EIF4G3: variants seen among roughly 807,000 people sequenced by gnomAD.
EIF4G3 encodes eukaryotic translation initiation factor 4 gamma 3.
Under a neutral mutation model 186.4 loss-of-function variants are expected in EIF4G3, and 34 were observed. The ratio of observed to expected loss-of-function variants is 0.18; its 90% confidence interval spans 0.14 to 0.24. The LOEUF (loss-of-function observed/expected upper bound fraction) is 0.24, where lower values mean the gene tolerates loss of function less well. Among genes scored for constraint, EIF4G3 ranks in the 10% least tolerant of loss-of-function variants. The pLI is 1.00. For synonymous variants in EIF4G3, 673 were observed against 679.5 expected (o/e 0.99, Z 0.15); for missense variants, 1,536 against 1,948.5 (o/e 0.79, Z 3.99).
chr1:20,869,783 A>G (rs1398185158), intron 20 of EIF4G3, among the ~76,000 whole-genome samples: 2 of 150,512 alleles, frequency 1.3e-5, no homozygotes, highest in African/African-American at 4.8e-5. Flanking sequence ...TCAAAAAAAA[A>G]AAAAAAAAAA....
chr1:20,991,031 G>A (rs10916919), intron 7 of EIF4G3, among the ~76,000 whole-genome samples: 50,485 of 152,110 alleles, frequency 0.33, 9,150 homozygotes, highest in Non-Finnish European at 0.41. Context: ...TTGCTGGCAA[G>A]TTAGAAAGGG....
chr1:21,030,270 C>T (rs1473436929), intron 4 of EIF4G3, among the ~76,000 whole-genome samples: 1 of 152,182 alleles, frequency 6.6e-6, no homozygotes, highest in Non-Finnish European at 1.5e-5. Flanking sequence ...TGTAAGCTCC[C>T]ATAATTCCCA....
chr1:20,956,973 G>C (rs1445999505), intron 12 of EIF4G3, among the ~76,000 whole-genome samples: 2 of 152,188 alleles, frequency 1.3e-5, no homozygotes, highest in African/African-American at 4.8e-5. Flanking sequence ...TGATGCAAAA[G>C]GGAGTAAATA....
intron 29 of EIF4G3, among the ~76,000 whole-genome samples, chr1:20,847,237 C>A (rs569762072): frequency 6.6e-6 from 1 of 152,258 alleles, no homozygotes; most frequent in Admixed American, 6.5e-5. Context: ...CTAATACATG[C>A]CGAATATGTA....
intron 4 of EIF4G3, among the ~76,000 whole-genome samples, chr1:21,011,414 A>G (rs779528516): frequency 6.6e-6 from 1 of 152,192 alleles, no homozygotes; most frequent in African/African-American, 2.4e-5. Context: ...CTCTTCATCT[A>G]GTTTCCCTAA....
intron 2 of EIF4G3, among the ~76,000 whole-genome samples, chr1:21,147,401 C>T (rs1034292924): frequency 7.9e-5 from 12 of 151,776 alleles, no homozygotes; most frequent in African/African-American, 2.4e-4. Context: ...AGTGCAATCG[C>T]GTGATCTCGG....
chr1:21,020,021 T>C (rs1309045541), intron 4 of EIF4G3, among the ~76,000 whole-genome samples: 1 of 152,250 alleles, frequency 6.6e-6, no homozygotes, highest in Non-Finnish European at 1.5e-5. Context: ...CTGTTACTAT[T>C]GCAACTGCCA....
At chr1:20,922,544 G>A (rs572183806) in intron 14 of EIF4G3, among the ~76,000 whole-genome samples, 8 of 152,280 alleles carry the variant, frequency 5.3e-5, no homozygotes, top group Non-Finnish European at 1.0e-4. Flanking sequence ...TAATCCGCCC[G>A]CCTGGGCCTC....
intron 20 of EIF4G3, among the ~76,000 whole-genome samples, chr1:20,869,341 T>C (rs2078469524): frequency 7.0e-6 from 1 of 142,278 alleles, no homozygotes; most frequent in African/African-American, 2.7e-5. Context: ...GGAGACAGTG[T>C]CTCCCTATGT....
intron 2 of EIF4G3, among the ~76,000 whole-genome samples, chr1:21,147,629 C>G (rs1040478279): frequency 2.0e-5 from 3 of 152,098 alleles, no homozygotes; most frequent in Non-Finnish European, 2.9e-5. Flanking sequence ...CCGCACCCAA[C>G]CTTTGCTAAG....
intron 33 of EIF4G3, among the ~76,000 whole-genome samples, chr1:20,822,354 GCTTT>G (rs1428785128): frequency 2.7e-5 from 3 of 109,780 alleles, no homozygotes; most frequent in African/African-American, 9.9e-5. Context: ...CAAAGAACCA[GCTTT>G]TTTTTTTTTT....
chr1:21,129,719 AC>A (rs1057307538), intron 2 of EIF4G3, among the ~76,000 whole-genome samples: 1 of 151,638 alleles, frequency 6.6e-6, no homozygotes, highest in Non-Finnish European at 1.5e-5. Flanking sequence ...AGAAGTAACA[AC>A]CCCCCACCCC....
At chr1:21,118,563 G>T (rs2096869242) in intron 2 of EIF4G3, among the ~76,000 whole-genome samples, 1 of 152,132 alleles carries the variant, frequency 6.6e-6, no homozygotes, top group South Asian at 2.1e-4. Context: ...GAGGCGGGCA[G>T]ATCACTAAGG....
At chr1:20,932,832 G>A (rs2095373725) in intron 14 of EIF4G3, among the ~76,000 whole-genome samples, 1 of 152,168 alleles carries the variant, frequency 6.6e-6, no homozygotes, top group Admixed American at 6.5e-5. Flanking sequence ...GAGACAGGAA[G>A]TGAGCACATG....
chr1:20,999,541 A>T (rs1197364422), intron 6 of EIF4G3, among the ~76,000 whole-genome samples: 2 of 152,228 alleles, frequency 1.3e-5, no homozygotes, highest in African/African-American at 2.4e-5. Context: ...AGGCTCTAAA[A>T]TAAAAGCTAA....
At position 20,864,545 on chromosome 1, in the gene EIF4G3, T is replaced by A. The variant is rs991300151; in HGVS notation, c.2937A>T (p.Glu979Asp). ...CVVKLLKNHD[E>D]ESLECLCRLL... ...GGCGACACAGGCACTCCAGGGATTCTTCATCATGGTTCTTTAGCAGCTTCA... is the reference window on the plus strand; with the variant it reads ...GGCGACACAGGCACTCCAGGGATTCATCATCATGGTTCTTTAGCAGCTTCA... Residue 979 changes from glutamate (E) to aspartate (D), a missense_variant, in exon 22 of 37, where the codon GAA becomes GAT. Physicochemically the swap from Glu to Asp is conservative, Grantham distance 45. This residue lies in a region of EIF4G3 where 110 missense variants were observed against 166.2 expected (regional missense o/e 0.66). Transcript: ENST00000602326. 1.9e-6 allele frequency: 3 copies of A among 1,614,092 alleles called. No individual in the cohort carries two copies. The African/African-American group carries it at 4.0e-5, about 22-fold the overall frequency.
chr1:20,948,195 CTG>C (rs2096055160), intron 13 of EIF4G3, among the ~76,000 whole-genome samples: 1 of 152,198 alleles, frequency 6.6e-6, no homozygotes, highest in African/African-American at 2.4e-5. Flanking sequence ...GGGAAATACT[CTG>C]AGAATTATTC....
At chr1:21,072,454 A>G (rs1256887081) in intron 3 of EIF4G3, among the ~76,000 whole-genome samples, 2 of 152,060 alleles carry the variant, frequency 1.3e-5, no homozygotes, top group Admixed American at 1.3e-4. Context: ...CCAAGGCTGG[A>G]GTGCAGTGGT....
At chr1:21,108,617 C>T (rs2096658833) in intron 2 of EIF4G3, among the ~76,000 whole-genome samples, 1 of 151,942 alleles carries the variant, frequency 6.6e-6, no homozygotes, top group Non-Finnish European at 1.5e-5. Context: ...TTTAAAACTA[C>T]AAGAGGCCAG....
Sources: allele counts gnomAD v4.1 joint callset (sites outside exome capture counted in the v4.1 genomes callset), GRCh38; gene constraint gnomAD v4.1.1; regional missense constraint gnomAD v4.1.1; transcripts MANE v1.5; gene names NCBI Gene and HGNC (gene_info 2026-07-23, HGNC 2026-07-21).